SLC25A12: variants seen among roughly 807,000 people sequenced by gnomAD.
The protein encoded by SLC25A12 is solute carrier family 25 member 12.
In SLC25A12, 32 loss-of-function variants were observed where a neutral mutation model predicts 83.3. The ratio of observed to expected loss-of-function variants is 0.38; its 90% CI spans 0.29 to 0.52. The LOEUF is 0.52. Among genes scored for constraint, SLC25A12 ranks in the 20% least tolerant of loss-of-function variants. The pLI is 0.84. For missense variants in SLC25A12, 611 were observed against 835.6 expected, an observed-to-expected ratio of 0.73 and a Z score of 3.31; for synonymous variants, 267 against 291.1, an observed-to-expected ratio of 0.92 and a Z score of 0.84.
At chr2:171,879,594 G>A (rs1395536622) in intron 2 of SLC25A12, among the ~76,000 whole-genome samples, 1 of 152,148 alleles carries the variant, frequency 6.6e-6, no homozygotes, top group Non-Finnish European at 1.5e-5. Flanking sequence ...ACTGGAACTA[G>A]AATGCTTCCC....
intron 2 of SLC25A12, among the ~76,000 whole-genome samples, chr2:171,890,313 A>G (rs1685904013): frequency 6.6e-6 from 1 of 152,226 alleles, no homozygotes; most frequent in Non-Finnish European, 1.5e-5. Context: ...CTAAAATATT[A>G]ATCAACTATA....
At chr2:171,837,328 GGAAA>G (rs1684581094) in intron 5 of SLC25A12, 61 bp from the exon 6 acceptor site, 1 of 1,562,948 alleles carries the variant, frequency 6.4e-7, no homozygotes, top group African/African-American at 1.3e-5. Flanking sequence ...TACATGGTTT[GGAAA>G]GGAAGGAAGG....
intron 13 of SLC25A12, among the ~76,000 whole-genome samples, chr2:171,804,416 G>T (rs1257218918): frequency 6.6e-6 from 1 of 152,068 alleles, no homozygotes; most frequent in African/African-American, 2.4e-5. Context: ...CTGCCACCAC[G>T]CCTGGCTAAT....
intron 2 of SLC25A12, among the ~76,000 whole-genome samples, chr2:171,888,535 G>A (rs1054460120): frequency 5.9e-5 from 9 of 152,018 alleles, no homozygotes; most frequent in African/African-American, 1.9e-4. Flanking sequence ...CCCGCTTCCC[G>A]GGTTCAAGCG....
At chr2:171,866,767 A>ACC (rs1318251578) in intron 3 of SLC25A12, among the ~76,000 whole-genome samples, 1 of 97,038 alleles carries the variant, frequency 1.0e-5, no homozygotes, top group African/African-American at 4.2e-5. Flanking sequence ...TGGGGGGCTG[A>ACC]CCCCCCCCAC....
At chr2:171,813,095 C>T (rs963528074) in intron 11 of SLC25A12, among the ~76,000 whole-genome samples, 1 of 151,804 alleles carries the variant, frequency 6.6e-6, no homozygotes, top group Non-Finnish European at 1.5e-5. Flanking sequence ...GGGACAAACA[C>T]ATAATTTGGA....
At chr2:171,826,770 G>A (rs866219563) in intron 9 of SLC25A12, 28 bp downstream of exon 9, 1 of 1,271,022 alleles carries the variant, frequency 7.9e-7, no homozygotes, top group Middle Eastern at 1.8e-4. Context: ...TTTTTTTAAG[G>A]TGATCATATT....
intron 2 of SLC25A12, among the ~76,000 whole-genome samples, chr2:171,889,225 T>C (rs1191157157): frequency 3.3e-5 from 5 of 152,176 alleles, no homozygotes; most frequent in Admixed American, 1.3e-4. Context: ...GTGAGATACA[T>C]TTGTTTAGCA....
intron 2 of SLC25A12, among the ~76,000 whole-genome samples, chr2:171,872,968 T>G (rs1377967249): frequency 6.6e-6 from 1 of 152,148 alleles, no homozygotes; most frequent in Non-Finnish European, 1.5e-5. Context: ...AACCAAATGG[T>G]AGAAGACTTT....
intron 2 of SLC25A12, among the ~76,000 whole-genome samples, chr2:171,890,014 A>G (rs1685898353): frequency 6.6e-6 from 1 of 152,242 alleles, no homozygotes; most frequent in African/African-American, 2.4e-5. Context: ...TGATTGCTCT[A>G]CCACAGGCTA....
intron 9 of SLC25A12, among the ~76,000 whole-genome samples, chr2:171,815,983 C>G (rs1402143524): frequency 6.9e-6 from 1 of 145,470 alleles, no homozygotes; most frequent in Non-Finnish European, 1.5e-5. Flanking sequence ...AAAGTATATA[C>G]AAAAATAGAA....
At position 171,824,018 on chromosome 2, in the gene SLC25A12, A is replaced by C. The variant is rs1684248139; in HGVS notation, c.930+2780T>G. ...CAATGTAAGAATACCTAAGACTTCT[A>C]CCAGCTCTCCAGAAATTCTAGATCC... On this transcript the variant is annotated intron_variant, in intron 9 of 17. Transcript: ENST00000422440. Among the ~76,000 whole-genome samples, 3 of 152,080 alleles carry C rather than the reference A, an allele frequency of 2.0e-5. No homozygotes were observed. In the South Asian group the frequency reaches 6.2e-4, roughly 32 times the overall value.
chr2:171,856,149 G>T (rs1390668596), intron 3 of SLC25A12, among the ~76,000 whole-genome samples, 200 bp from the exon 4 acceptor site: 1 of 152,192 alleles, frequency 6.6e-6, no homozygotes, highest in Non-Finnish European at 1.5e-5. Flanking sequence ...GAAAATCAAT[G>T]AAACTGGGCA....
chr2:171,850,528 A>C (rs1684906017), intron 4 of SLC25A12, among the ~76,000 whole-genome samples: 1 of 150,598 alleles, frequency 6.6e-6, no homozygotes, highest in Non-Finnish European at 1.5e-5. Context: ...TTGTATTTTT[A>C]GTAGAGATGG....
chr2:171,865,094 T>C (rs1461981732), intron 3 of SLC25A12, among the ~76,000 whole-genome samples: 2 of 152,182 alleles, frequency 1.3e-5, no homozygotes, highest in Non-Finnish European at 2.9e-5. Context: ...TATTATCTTT[T>C]TGTGGCTTTT....
intron 3 of SLC25A12, among the ~76,000 whole-genome samples, chr2:171,867,754 G>A (rs143368157): frequency 0.019 from 2,853 of 152,304 alleles, 57 homozygotes; most frequent in Admixed American, 0.067. Context: ...AGTATTTATT[G>A]CCTTAGCTCT....
In SLC25A12 at chr2:171,787,704, CA is replaced by C. The variant is rs770199605; in HGVS notation, c.1745-44del. ...GGGCAGGGGAGACTTGAAACCAGGACAAATGTGGTAAAGATAGCCACTGAGT... is the reference window on the plus strand; with the variant it reads ...GGGCAGGGGAGACTTGAAACCAGGACAATGTGGTAAAGATAGCCACTGAGT... On this transcript the variant is annotated intron_variant, in intron 16 of 17. Coordinates refer to ENST00000422440, the MANE Select transcript of SLC25A12 (RefSeq NM_003705.5). 1.6e-5 allele frequency: 26 copies of C among 1,609,448 alleles called. No individual in the cohort carries two copies. In the South Asian group the frequency reaches 2.7e-4, roughly 17 times the overall value.
intron 5 of SLC25A12, among the ~76,000 whole-genome samples, chr2:171,841,408 G>T (rs114304988): frequency 1.1e-3 from 170 of 149,926 alleles, no homozygotes; most frequent in Middle Eastern, 3.7e-3. Context: ...GGGCTCACTC[G>T]GTCACCCACG....
intron 4 of SLC25A12, among the ~76,000 whole-genome samples, chr2:171,852,872 G>A (rs1684961315): frequency 6.6e-6 from 1 of 152,138 alleles, no homozygotes; most frequent in South Asian, 2.1e-4. Flanking sequence ...TTCTACTTAA[G>A]AAAATTTGTC....
Sources: gnomAD v4.1 joint callset for allele counts (sites outside exome capture counted in the v4.1 genomes callset) on GRCh38, gnomAD v4.1.1 for gene constraint, MANE v1.5 for transcripts, NCBI Gene and HGNC (gene_info 2026-07-23, HGNC 2026-07-21) for gene names.